QRICH1: variants seen among roughly 807,000 people sequenced by gnomAD.
QRICH1 encodes the protein transcriptional regulator QRICH1.
A neutral mutation model predicts 87.1 loss-of-function variants in QRICH1; 16 were observed. The observed-to-expected ratio is 0.18, with a 90% CI of 0.12 to 0.28. QRICH1 has a LOEUF of 0.28. Among genes scored for constraint, QRICH1 ranks in the 10% least tolerant of loss-of-function variants. The probability of loss-of-function intolerance (pLI) is 1.00; values close to 1 mark genes in which losing one functional copy is unlikely to be tolerated. For missense variants in QRICH1, 647 were observed against 951.7 expected (o/e 0.68, Z 4.21); for synonymous variants, 367 against 368.4 (o/e 1.00, Z 0.05).
At chr3:49,038,208 TCAC>T (rs1382323748) in intron 6 of QRICH1, among the ~76,000 whole-genome samples, 1 of 150,078 alleles carries the variant, frequency 6.7e-6, no homozygotes, top group Non-Finnish European at 1.5e-5. Flanking sequence ...CTACAGGCAC[TCAC>T]CACCACGCCC....
In QRICH1 at chr3:49,088,100, C is replaced by T. The variant is rs986601750; in HGVS notation, c.-22+5812G>A. Among the ~76,000 whole-genome samples the T allele has an allele frequency of 8.6e-5, 13 of 151,466 alleles. No homozygotes were observed. In the East Asian group the frequency reaches 1.6e-3, roughly 18 times the overall value. On this transcript the variant is annotated intron_variant, in intron 1 of 9. Transcript: ENST00000395443. ...CCAAGTAGCTGGGACCACAGGCGCC[C>T]GCCACCACATCCAGCTAATTTTTTT...
intron 2 of QRICH1, among the ~76,000 whole-genome samples, chr3:49,060,359 A>G (rs561095268): frequency 5.7e-4 from 83 of 145,486 alleles, no homozygotes; most frequent in African/African-American, 2.1e-3. Context: ...ACGACTGGCT[A>G]ATTTTTTGTA....
chr3:49,077,749 C>A (rs2041978289), intron 1 of QRICH1, among the ~76,000 whole-genome samples: 1 of 152,146 alleles, frequency 6.6e-6, no homozygotes, highest in Admixed American at 6.6e-5. Flanking sequence ...GTACTTACCT[C>A]ACAGTTGACA....
chr3:49,069,420 A>G (rs995864805), intron 2 of QRICH1, among the ~76,000 whole-genome samples: 1 of 152,074 alleles, frequency 6.6e-6, no homozygotes, highest in Non-Finnish European at 1.5e-5. Flanking sequence ...TTTTTTACAG[A>G]AAAAAAGGAC....
At chr3:49,051,548 G>T (rs913831268) in intron 3 of QRICH1, among the ~76,000 whole-genome samples, 2 of 147,752 alleles carry the variant, frequency 1.4e-5, no homozygotes, top group Non-Finnish European at 3.0e-5. Context: ...TTGTCAAAGT[G>T]ACCACTATGT....
chr3:49,085,073 G>C (rs983007005), intron 1 of QRICH1, among the ~76,000 whole-genome samples: 2 of 152,004 alleles, frequency 1.3e-5, no homozygotes, highest in Admixed American at 6.6e-5. Flanking sequence ...AATCTGGGAG[G>C]TGGAGCTTGC....
At chr3:49,060,577 G>A (rs2093428985) in intron 2 of QRICH1, among the ~76,000 whole-genome samples, 1 of 151,574 alleles carries the variant, frequency 6.6e-6, no homozygotes, top group Non-Finnish European at 1.5e-5. Context: ...TGATCCACCA[G>A]CCTTGGCCTC....
At chr3:49,036,868 G>A (rs1276405535) in intron 6 of QRICH1, among the ~76,000 whole-genome samples, 1 of 152,044 alleles carries the variant, frequency 6.6e-6, no homozygotes, top group East Asian at 1.9e-4. Context: ...TTCGAAACCA[G>A]CCTGGGCAAC....
intron 5 of QRICH1, among the ~76,000 whole-genome samples, chr3:49,045,646 C>G (rs2093334829): frequency 3.9e-5 from 6 of 151,978 alleles, no homozygotes; most frequent in Admixed American, 3.3e-4. Context: ...GTCACCCAGG[C>G]TGGAGTGTAG....
intron 1 of QRICH1, among the ~76,000 whole-genome samples, chr3:49,090,628 CAA>C (rs35351750): frequency 8.4e-5 from 10 of 119,486 alleles, no homozygotes; most frequent in Admixed American, 1.8e-4. Context: ...AACTCCATCT[CAA>C]AAAAAAAAAA....
intron 6 of QRICH1, among the ~76,000 whole-genome samples, chr3:49,039,618 C>CAAAAAAAAAAA (rs899570014): frequency 1.8e-4 from 3 of 16,352 alleles, no homozygotes; most frequent in Admixed American, 5.5e-4. Context: ...GACTCCATCT[C>CAAAAAAAAAAA]AAAAAAAAAA....
chr3:49,064,834 T>C (rs1575358282), intron 2 of QRICH1, among the ~76,000 whole-genome samples: 1 of 152,060 alleles, frequency 6.6e-6, no homozygotes, highest in African/African-American at 2.4e-5. Context: ...CTGGACAAGA[T>C]GGTGAAACCC....
rs2041962332 is a variant in QRICH1, at chr3:49,076,858, C to T, written c.160G>A (p.Val54Met). 6.2e-7 allele frequency: 1 copy of T among 1,613,934 alleles called. No homozygotes were observed. Among genetic ancestry groups the T allele is most frequent in the Non-Finnish European group, 8.5e-7 (1 of 1,179,896 alleles). ...EFQQTATTTM[V>M]YQQGGNCIYT... Reference sequence around the variant, plus strand: ...ATGCAGTTCCCACCCTGTTGGTACACCATGGTAGTGGTGGCTGTCTGCTGG... The same window carrying T: ...ATGCAGTTCCCACCCTGTTGGTACATCATGGTAGTGGTGGCTGTCTGCTGG... The change falls in exon 2 of 10, where the codon GTG becomes ATG. Residue 54 changes from valine (V) to methionine (M), a missense_variant. This residue lies in a region of QRICH1 where 56 missense variants were observed against 109.6 expected (regional missense o/e 0.51). Coordinates refer to ENST00000395443, the MANE Select transcript of QRICH1 (RefSeq NM_198880.3).
intron 2 of QRICH1, among the ~76,000 whole-genome samples, chr3:49,066,118 C>G (rs1029425995): frequency 9.9e-5 from 15 of 152,178 alleles, no homozygotes; most frequent in Admixed American, 5.9e-4. Context: ...AACCCCGTCT[C>G]TACCAAGAAT....
intron 1 of QRICH1, among the ~76,000 whole-genome samples, chr3:49,089,878 C>G (rs1158038303): frequency 1.3e-5 from 2 of 152,134 alleles, no homozygotes; most frequent in South Asian, 2.1e-4. Flanking sequence ...AAGGGACCCA[C>G]GAAGGGTTCA....
At chr3:49,089,976 G>A (rs144514940) in intron 1 of QRICH1, among the ~76,000 whole-genome samples, 4 of 152,142 alleles carry the variant, frequency 2.6e-5, no homozygotes, top group Non-Finnish European at 4.4e-5. Flanking sequence ...TACAGAGATC[G>A]CCTAAATTTA....
chr3:49,031,018 C>T lies in QRICH1; in HGVS notation c.2139-374G>A, dbSNP rs1348480223. Among the ~76,000 whole-genome samples, 5 of 132,802 alleles carry T rather than the reference C, an allele frequency of 3.8e-5. No homozygotes were observed. The South Asian group carries it at 7.1e-4, about 19-fold the overall frequency. 87.1% of individuals were successfully genotyped at this position (132,802 alleles called of 152,430 possible). On this transcript the variant is annotated intron_variant, in intron 9 of 9. Coordinates refer to ENST00000395443, the MANE Select transcript of QRICH1 (RefSeq NM_198880.3). Reference sequence around the variant, plus strand: ...TTTTTTTTTTTTTTTTTTGAGATGGCGTCTTGTCTCCAGGCTGGAGTGCAG... The same window carrying T: ...TTTTTTTTTTTTTTTTTTGAGATGGTGTCTTGTCTCCAGGCTGGAGTGCAG...
intron 3 of QRICH1, among the ~76,000 whole-genome samples, chr3:49,050,397 T>C (rs1043630506): frequency 8.2e-6 from 1 of 121,324 alleles, no homozygotes; most frequent in African/African-American, 3.3e-5. Context: ...CACTCCAACC[T>C]GGGCGACAGA....
intron 1 of QRICH1, among the ~76,000 whole-genome samples, chr3:49,091,910 C>G (rs976747198): frequency 6.6e-6 from 1 of 151,874 alleles, no homozygotes; most frequent in African/African-American, 2.4e-5. Context: ...GTCTATACTA[C>G]AAATACAAAA....
Sources: allele counts gnomAD v4.1 joint callset (sites outside exome capture counted in the v4.1 genomes callset), GRCh38; gene constraint gnomAD v4.1.1; regional missense constraint gnomAD v4.1.1; transcripts MANE v1.5; gene names NCBI Gene and HGNC (gene_info 2026-07-23, HGNC 2026-07-21).